Variants in PTPRD observed in about 807,000 individuals in gnomAD.
The protein encoded by PTPRD is protein tyrosine phosphatase receptor type D, also known as receptor-type tyrosine-protein phosphatase delta.
PTPRD carries 34 observed loss-of-function variants against 214.5 expected under a neutral mutation model. That is an observed-to-expected ratio of 0.16 (90% CI 0.12 to 0.21). The LOEUF is 0.21. PTPRD is among the 10% of genes least tolerant of loss of function. The pLI is 1.00. For missense variants in PTPRD, 2,545 were observed against 2,398.7 expected (o/e 1.06, Z -1.27); for synonymous variants, 1,128 against 845.7 (o/e 1.33, Z -5.79).
At chr9:10,470,841 A>G (rs1402627298) in intron 2 of PTPRD, among the ~76,000 whole-genome samples, 3 of 152,092 alleles carry the variant, frequency 2.0e-5, no homozygotes, top group Non-Finnish European at 2.9e-5. Flanking sequence ...GAAAGATATG[A>G]AATAAAATTA....
intron 3 of PTPRD, among the ~76,000 whole-genome samples, chr9:10,054,596 A>T (rs1425701295): frequency 1.3e-5 from 2 of 152,102 alleles, no homozygotes; most frequent in African/African-American, 4.8e-5. Flanking sequence ...AGGACGTGGG[A>T]GCCATTCCTT....
chr9:8,500,564 A>G (rs1235122748), intron 24 of PTPRD, among the ~76,000 whole-genome samples, 190 bp downstream of exon 24: 121 of 137,548 alleles, frequency 8.8e-4, no homozygotes, highest in African/African-American at 3.2e-3. Context: ...AAATGAAAAA[A>G]AAAAAAAAAA....
chr9:9,493,847 T>A (rs893907459), intron 8 of PTPRD, among the ~76,000 whole-genome samples: 1 of 151,048 alleles, frequency 6.6e-6, no homozygotes, highest in African/African-American at 2.4e-5. Flanking sequence ...TGTAAGGTTA[T>A]ATCTATCATA....
intron 5 of PTPRD, among the ~76,000 whole-genome samples, chr9:9,916,222 G>C (rs532664748): frequency 6.6e-6 from 1 of 151,994 alleles, no homozygotes; most frequent in African/African-American, 2.4e-5. Flanking sequence ...TACAAGAAAT[G>C]TTCAAGAGAA....
At chr9:10,480,965 A>G (rs1403286480) in intron 2 of PTPRD, among the ~76,000 whole-genome samples, 2 of 152,072 alleles carry the variant, frequency 1.3e-5, no homozygotes, top group African/African-American at 4.8e-5. Context: ...GAAGCCATTC[A>G]TTTACTCCAG....
intron 2 of PTPRD, among the ~76,000 whole-genome samples, chr9:10,476,114 G>C (rs1247060520): frequency 3.3e-5 from 5 of 152,084 alleles, no homozygotes; most frequent in African/African-American, 1.2e-4. Context: ...ATTCAACATA[G>C]TTTTTGAAGT....
intron 7 of PTPRD, among the ~76,000 whole-genome samples, chr9:9,600,745 A>C (rs1486236246): frequency 6.6e-6 from 1 of 152,122 alleles, no homozygotes; most frequent in African/African-American, 2.4e-5. Flanking sequence ...AGAACCGTCC[A>C]TCCTTCCGAT....
chr9:9,070,896 G>A (rs1166959125), intron 10 of PTPRD, among the ~76,000 whole-genome samples: 6 of 152,106 alleles, frequency 3.9e-5, no homozygotes, highest in African/African-American at 1.2e-4. Context: ...GTCCCCACTA[G>A]CACTACCTTT....
intron 8 of PTPRD, among the ~76,000 whole-genome samples, chr9:9,458,277 C>A (rs2093285801): frequency 6.6e-6 from 1 of 151,950 alleles, no homozygotes; most frequent in African/African-American, 2.4e-5. Flanking sequence ...TATTTCACTT[C>A]ATATGTTCAT....
At chr9:8,868,168 G>A (rs2098232082) in intron 11 of PTPRD, among the ~76,000 whole-genome samples, 1 of 151,840 alleles carries the variant, frequency 6.6e-6, no homozygotes, top group Admixed American at 6.6e-5. Flanking sequence ...GGATTCTCTG[G>A]GAGTGAAGTT....
intron 11 of PTPRD, among the ~76,000 whole-genome samples, chr9:8,973,716 C>G (rs894203935): frequency 3.9e-5 from 6 of 152,078 alleles, no homozygotes; most frequent in African/African-American, 1.4e-4. Context: ...TCTGTAGCCT[C>G]TCCAGCATTT....
intron 11 of PTPRD, among the ~76,000 whole-genome samples, chr9:8,966,124 T>C (rs2099192764): frequency 6.6e-6 from 1 of 152,022 alleles, no homozygotes; most frequent in South Asian, 2.1e-4. Context: ...AAAGGCATCA[T>C]AAATGACACA....
At chr9:8,588,811 C>T (rs933764652) in intron 14 of PTPRD, among the ~76,000 whole-genome samples, 1 of 151,674 alleles carries the variant, frequency 6.6e-6, no homozygotes, top group African/African-American at 2.4e-5. Context: ...TAAGAATAAC[C>T]CTCATTCTTC....
chr9:9,315,236 A>G (rs1213228328), intron 9 of PTPRD, among the ~76,000 whole-genome samples: 1 of 151,966 alleles, frequency 6.6e-6, no homozygotes, highest in East Asian at 1.9e-4. Context: ...AAAACTTTTT[A>G]TATCCTTATC....
At chr9:10,286,142 G>C (rs2154397213) in intron 3 of PTPRD, among the ~76,000 whole-genome samples, 1 of 152,170 alleles carries the variant, frequency 6.6e-6, no homozygotes, top group East Asian at 1.9e-4. Flanking sequence ...TTCTAGACTT[G>C]TCCTTTTGTA....
At chr9:9,232,388 C>T (rs962407249) in intron 9 of PTPRD, among the ~76,000 whole-genome samples, 1 of 152,098 alleles carries the variant, frequency 6.6e-6, no homozygotes, top group African/African-American at 2.4e-5. Flanking sequence ...TAAAACATTT[C>T]CATTTCAGCT....
chr9:10,474,358 G>C (rs2131842271), intron 2 of PTPRD, among the ~76,000 whole-genome samples: 1 of 148,566 alleles, frequency 6.7e-6, no homozygotes, highest in East Asian at 2.0e-4. Context: ...AAAAAAAACA[G>C]ACTTTAAACC....
At chr9:10,457,730 T>A (rs1403288862) in intron 2 of PTPRD, among the ~76,000 whole-genome samples, 2 of 152,026 alleles carry the variant, frequency 1.3e-5, no homozygotes, top group African/African-American at 2.4e-5. Flanking sequence ...TATTTCTGTT[T>A]ATTACTACCA....
intron 9 of PTPRD, among the ~76,000 whole-genome samples, chr9:9,355,265 T>A (rs535333819): frequency 1.3e-5 from 2 of 151,774 alleles, no homozygotes; most frequent in East Asian, 3.9e-4. Flanking sequence ...TATTATCAAC[T>A]GTAAAAGATG....
Sources: allele counts gnomAD v4.1 joint callset (sites outside exome capture counted in the v4.1 genomes callset), GRCh38; gene constraint gnomAD v4.1.1; transcripts MANE v1.5; gene names NCBI Gene and HGNC (gene_info 2026-07-23, HGNC 2026-07-21).